Variants in NEBL observed in about 807,000 individuals in gnomAD.
The protein encoded by NEBL is nebulette, also known as LIM and SH3 protein 2.
Under a neutral mutation model 140.2 loss-of-function variants are expected in NEBL, and 122 were observed. That is an observed-to-expected ratio of 0.87 (90% CI 0.75 to 1.01). The LOEUF is 1.01. NEBL is among the 50% of genes least tolerant of loss of function. The pLI, the probability that NEBL is intolerant of heterozygous loss-of-function variation, is 0.00. For missense variants in NEBL, 1,365 were observed against 1,231.3 expected (o/e 1.11, Z -1.62); for synonymous variants, 436 against 398.9 (o/e 1.09, Z -1.11).
At chr10:21,138,945 A>G (rs1228095302) in intron 2 of NEBL, among the ~76,000 whole-genome samples, 6 of 152,236 alleles carry the variant, frequency 3.9e-5, no homozygotes, top group Non-Finnish European at 8.8e-5. Context: ...TAAATAGCAC[A>G]TCGTAATAAA....
At chr10:21,006,606 GAA>G (rs1838149053) in intron 3 of NEBL, among the ~76,000 whole-genome samples, 1 of 152,136 alleles carries the variant, frequency 6.6e-6, no homozygotes, top group African/African-American at 2.4e-5. Context: ...ACTATACCCT[GAA>G]CTTCTGCATT....
intron 5 of NEBL, among the ~76,000 whole-genome samples, chr10:20,873,871 G>A (rs781050560): frequency 1.3e-5 from 2 of 152,088 alleles, no homozygotes; most frequent in Non-Finnish European, 2.9e-5. Context: ...CTATGAGAAG[G>A]TGGTATATTC....
chr10:20,922,147 G>C (rs1833618497), intron 4 of NEBL, among the ~76,000 whole-genome samples: 2 of 152,168 alleles, frequency 1.3e-5, no homozygotes, highest in African/African-American at 4.8e-5. Flanking sequence ...CAAGAGAAAA[G>C]CACATGCGCT....
chr10:20,888,469 A>G (rs1239015945), intron 3 of NEBL, among the ~76,000 whole-genome samples: 1 of 152,260 alleles, frequency 6.6e-6, no homozygotes, highest in East Asian at 1.9e-4. Context: ...CACATTTCTA[A>G]AAGTAAATCT....
At chr10:20,912,855 C>T (rs941368295) in intron 4 of NEBL, among the ~76,000 whole-genome samples, 4 of 150,400 alleles carry the variant, frequency 2.7e-5, no homozygotes, top group Non-Finnish European at 5.9e-5. Context: ...GAACTTGTTC[C>T]TCATGGGGGC....
intron 4 of NEBL, among the ~76,000 whole-genome samples, chr10:20,909,726 T>C (rs1403412937): frequency 6.6e-6 from 1 of 152,128 alleles, no homozygotes; most frequent in Non-Finnish European, 1.5e-5. Flanking sequence ...TTCTCTCAAT[T>C]GGGATAGAGT....
chr10:20,957,142 C>G (rs1175675219), intron 4 of NEBL, among the ~76,000 whole-genome samples: 4 of 152,272 alleles, frequency 2.6e-5, no homozygotes, highest in South Asian at 4.1e-4. Flanking sequence ...CTTTTAATAG[C>G]CCATAGACAC....
At position 20,823,257 on chromosome 10, in the gene NEBL, T is replaced by A. The variant is rs1329899970; in HGVS notation, c.1913A>T (p.Asp638Val). Residue 638 changes from aspartate (D) to valine (V), a missense_variant, in exon 19 of 28, where the codon GAT becomes GTT. Physicochemically the swap from Asp to Val is radical, Grantham distance 152. Coordinates refer to ENST00000377122, the MANE Select transcript of NEBL (RefSeq NM_006393.3). ...EEIKHATAIS[D>V]PPELKRVKEN... is the part of the protein sequence containing the mutation. ...TTTAACTCTCTTTAGTTCTGGAGGA[T>A]CAGAAATGGCTGTTGCATGTTTAAT... 6.2e-7 allele frequency: 1 copy of A among 1,609,926 alleles called. No homozygotes were observed. The highest frequency in any genetic ancestry group is 8.5e-7 in the Non-Finnish European group (1 of 1,178,326).
In NEBL at chr10:21,055,401, TG is replaced by T. The variant is rs1834969237; in HGVS notation, c.165-35201del. 2.0e-5 allele frequency among the ~76,000 whole-genome samples: 3 copies of T among 152,344 alleles called. 1 individual carries two copies. The highest frequency in any genetic ancestry group is 2.0e-4 in the Admixed American group (3 of 15,306). ...GAAATAGGTCTGGAGGCAGAGGGTC[TG>T]TGGCATCAAAGCCACAGATCTTTTA... is the stretch of plus-strand genomic sequence containing the variant. On this transcript the variant is annotated intron_variant, in intron 2 of 6. Transcript: ENST00000417816.
chr10:20,908,812 G>A (rs1848207181), intron 4 of NEBL, among the ~76,000 whole-genome samples: 1 of 152,072 alleles, frequency 6.6e-6, no homozygotes, highest in South Asian at 2.1e-4. Flanking sequence ...CAATCAACCT[G>A]AGGCTAATCT....
At chr10:21,140,586 T>C (rs552861724) in intron 2 of NEBL, among the ~76,000 whole-genome samples, 2 of 152,358 alleles carry the variant, frequency 1.3e-5, no homozygotes, top group Admixed American at 6.5e-5. Context: ...AAATGATTTG[T>C]TCTTATTTCC....
chr10:21,018,488 A>G (rs552970692), intron 3 of NEBL, among the ~76,000 whole-genome samples: 87 of 152,290 alleles, frequency 5.7e-4, no homozygotes, highest in African/African-American at 2.0e-3. Flanking sequence ...CATTTTTGTA[A>G]CCAAAACCAG....
intron 2 of NEBL, among the ~76,000 whole-genome samples, chr10:21,104,088 G>T (rs1310353177): frequency 6.6e-6 from 1 of 152,148 alleles, no homozygotes. Context: ...TGGTGTCTTT[G>T]TGGAAAATCA....
At chr10:21,088,226 C>G (rs1836736287) in intron 2 of NEBL, among the ~76,000 whole-genome samples, 1 of 152,202 alleles carries the variant, frequency 6.6e-6, no homozygotes, top group South Asian at 2.1e-4. Context: ...TCTGTCCAGG[C>G]ACAGTGGCTC....
chr10:21,174,778 T>A (rs1841259466), upstream of NEBL: 1 of 152,238 alleles, frequency 6.6e-6, no homozygotes, highest in Middle Eastern at 3.2e-3. Flanking sequence ...CGGGAAGTCC[T>A]CGGATCCTGG....
At chr10:20,803,741 A>C (rs1405316445) in intron 26 of NEBL, among the ~76,000 whole-genome samples, 2 of 151,170 alleles carry the variant, frequency 1.3e-5, no homozygotes, top group African/African-American at 4.8e-5. Flanking sequence ...AGCAGAGCAC[A>C]CATTTCAAAG....
intron 2 of NEBL, among the ~76,000 whole-genome samples, chr10:21,139,119 A>C (rs1274684002): frequency 6.6e-6 from 1 of 152,200 alleles, no homozygotes; most frequent in Non-Finnish European, 1.5e-5. Context: ...GAGCTCTCAG[A>C]TGTTAAGAGT....
At chr10:21,008,291 G>A (rs939013883) in intron 3 of NEBL, among the ~76,000 whole-genome samples, 8 of 152,276 alleles carry the variant, frequency 5.3e-5, no homozygotes, top group African/African-American at 1.9e-4. Flanking sequence ...TCAACTGTGG[G>A]CTGAAAATAG....
intron 3 of NEBL, among the ~76,000 whole-genome samples, chr10:20,982,671 C>A (rs1309174803): frequency 3.9e-5 from 6 of 152,168 alleles, no homozygotes; most frequent in African/African-American, 2.4e-5. Flanking sequence ...TTTGGGATAT[C>A]TTTTAATCAC....
Sources: gnomAD v4.1 joint callset for allele counts (sites outside exome capture counted in the v4.1 genomes callset) on GRCh38, gnomAD v4.1.1 for gene constraint, MANE v1.5 for transcripts, NCBI Gene and HGNC (gene_info 2026-07-23, HGNC 2026-07-21) for gene names.